The following KCNH1 variants were observed in gnomAD, a reference collection of about 807,000 sequenced individuals.
KCNH1 encodes the protein potassium voltage-gated channel subfamily H member 1.
In KCNH1, 27 loss-of-function variants were observed where a neutral mutation model predicts 69.2. The ratio of observed to expected loss-of-function variants is 0.39; its 90% CI spans 0.29 to 0.54. The LOEUF (loss-of-function observed/expected upper bound fraction) is 0.54, where lower values mean the gene tolerates loss of function less well. KCNH1 is among the 20% of genes least tolerant of loss of function. The pLI is 0.68. For missense variants in KCNH1, 798 were observed against 1,261.6 expected (o/e 0.63, Z 5.57); for synonymous variants, 456 against 487.7 (o/e 0.93, Z 0.86).
intron 7 of KCNH1, among the ~76,000 whole-genome samples, chr1:210,889,877 C>T (rs1686707579): frequency 6.6e-6 from 1 of 152,120 alleles, no homozygotes; most frequent in Non-Finnish European, 1.5e-5. Context: ...CAAATCACTG[C>T]TCAAGGAAAT....
In KCNH1 at chr1:210,684,156, G is replaced by A; in HGVS notation, c.2113-18C>T. ...AACACAATCTGGAGAGAGAGAGAGA[G>A]AGAATGACATGGCGTGTTAGCCACA... is the stretch of plus-strand genomic sequence containing the variant. On this transcript the variant is annotated intron_variant, in intron 10 of 10. Transcript: ENST00000271751. 6.7e-7 allele frequency: 1 copy of A among 1,499,000 alleles called. No homozygotes were observed. The highest frequency in any genetic ancestry group is 8.9e-7 in the Non-Finnish European group (1 of 1,126,182). The allele number at this position is 1,499,000 out of a possible 1,614,324, so 92.9% of individuals were successfully genotyped here. A position where few individuals can be genotyped will look rare whatever the true frequency, so the allele number is the denominator to read the frequency against.
chr1:211,085,544 GGGCCTGGACCAATGCTGT>G (rs1414236794), intron 4 of KCNH1, among the ~76,000 whole-genome samples: 1 of 152,018 alleles, frequency 6.6e-6, no homozygotes, highest in Non-Finnish European at 1.5e-5. Flanking sequence ...GAGACCATGT[GGGCCTGGACCAATGCTGT>G]GGCCTGGGCC....
chr1:210,746,666 G>T (rs1333097420), intron 10 of KCNH1, among the ~76,000 whole-genome samples: 1 of 151,876 alleles, frequency 6.6e-6, no homozygotes, highest in Non-Finnish European at 1.5e-5. Flanking sequence ...TCCTGCTTCA[G>T]CCTCCTGCGT....
At chr1:210,976,799 A>G (rs1245556552) in intron 6 of KCNH1, among the ~76,000 whole-genome samples, 1 of 149,952 alleles carries the variant, frequency 6.7e-6, no homozygotes, top group Non-Finnish European at 1.5e-5. Context: ...TAAAAAGTCA[A>G]GAAACAACAG....
chr1:210,927,626 A>C (rs1048043007), intron 6 of KCNH1, among the ~76,000 whole-genome samples: 1 of 152,168 alleles, frequency 6.6e-6, no homozygotes, highest in Non-Finnish European at 1.5e-5. Flanking sequence ...CATAAATCTC[A>C]CAGGACATAT....
intron 6 of KCNH1, among the ~76,000 whole-genome samples, chr1:210,996,859 ACAGCCACCGCTGTTCTG>A (rs1215103081): frequency 2.6e-5 from 4 of 152,266 alleles, no homozygotes; most frequent in South Asian, 4.1e-4. Context: ...CCGCTGTTCT[ACAGCCACCGCTGTTCTG>A]CAGCCACCGC....
At chr1:211,115,889 C>T (rs1376754845) in intron 1 of KCNH1, among the ~76,000 whole-genome samples, 1 of 151,944 alleles carries the variant, frequency 6.6e-6, no homozygotes, top group African/African-American at 2.4e-5. Flanking sequence ...AATCCCAACA[C>T]TTTAAGAGGC....
At chr1:210,686,340 C>T (rs1258459431) in intron 10 of KCNH1, among the ~76,000 whole-genome samples, 1 of 152,200 alleles carries the variant, frequency 6.6e-6, no homozygotes, top group South Asian at 2.1e-4. Context: ...CACACCAAGA[C>T]CCAGCGCAAA....
At chr1:210,836,140 T>C (rs902093691) in intron 7 of KCNH1, among the ~76,000 whole-genome samples, 8 of 147,100 alleles carry the variant, frequency 5.4e-5, no homozygotes, top group Non-Finnish European at 1.0e-4. Flanking sequence ...AAAATTTCTA[T>C]ATTGGGCTTC....
At chr1:210,803,676 T>G (rs1684473306) in intron 8 of KCNH1, among the ~76,000 whole-genome samples, 1 of 152,222 alleles carries the variant, frequency 6.6e-6, no homozygotes, top group Non-Finnish European at 1.5e-5. Context: ...CTGATTCTTA[T>G]CATCATCCAA....
intron 7 of KCNH1, chr1:210,861,276 G>A (rs1187628754): frequency 4.3e-6 from 4 of 924,114 alleles, no homozygotes; most frequent in Non-Finnish European, 7.3e-6. Context: ...GTGAGAGCAT[G>A]AGAAACTCCT....
chr1:210,796,168 A>C (rs1383410482), intron 9 of KCNH1, among the ~76,000 whole-genome samples: 1 of 151,480 alleles, frequency 6.6e-6, no homozygotes, highest in Non-Finnish European at 1.5e-5. Flanking sequence ...AAAAAAAAAA[A>C]ATTATCATCA....
chr1:211,000,036 A>G (rs1457157492), intron 6 of KCNH1, among the ~76,000 whole-genome samples: 1 of 152,232 alleles, frequency 6.6e-6, no homozygotes, highest in African/African-American at 2.4e-5. Context: ...GCTATCTATG[A>G]CAAACCCACA....
At chr1:210,929,462 T>G (rs1687638927) in intron 6 of KCNH1, among the ~76,000 whole-genome samples, 1 of 152,138 alleles carries the variant, frequency 6.6e-6, no homozygotes. Context: ...AAAAAGCATC[T>G]GACAAAATTC....
intron 10 of KCNH1, 54 bp from the exon 11 acceptor site, chr1:210,684,192 A>G (rs766545765): frequency 5.3e-5 from 78 of 1,471,728 alleles, no homozygotes; most frequent in Admixed American, 1.2e-4. Context: ...TGCTGGCTGC[A>G]GCAGCCCAGC....
At chr1:210,685,205 T>TA (rs1285017578) in intron 10 of KCNH1, among the ~76,000 whole-genome samples, 3 of 152,158 alleles carry the variant, frequency 2.0e-5, no homozygotes, top group African/African-American at 7.2e-5. Flanking sequence ...ATGTGGCAGT[T>TA]AGACTCTGGG....
At position 211,039,272 on chromosome 1, in the gene KCNH1, C is replaced by T. The variant is rs147638524; in HGVS notation, c.559-20016G>A. 2.1e-3 allele frequency among the ~76,000 whole-genome samples: 327 copies of T among 152,330 alleles called. 2 individuals are homozygous for T. Among genetic ancestry groups the T allele is most frequent in the African/African-American group, 7.4e-3 (307 of 41,580 alleles). The stretch of plus-strand genomic sequence containing the variant: ...TCAAGAATTGAAGTTTGGGAACTTC[C>T]GCCTAGATTTCAGAAGATACATGGA... On this transcript the variant is annotated intron_variant, in intron 5 of 10. Transcript: ENST00000271751.
chr1:210,681,747 C>T lies in KCNH1; in HGVS notation c.*1534G>A, dbSNP rs1215107820. On this transcript the variant is annotated 3_prime_UTR_variant, in exon 11 of 11. Transcript: ENST00000271751. ...AGCTCCCTGGATAAGTCCATGCTGTCACCTGTACTCCTAATTCCATTCCCT... is the reference window on the plus strand; with the variant it reads ...AGCTCCCTGGATAAGTCCATGCTGTTACCTGTACTCCTAATTCCATTCCCT... The T allele has an allele frequency of 6.6e-6, 1 of 152,236 alleles. No homozygotes were observed. The highest frequency in any genetic ancestry group is 6.5e-5 in the Admixed American group (1 of 15,282). The allele number at this position is 152,236 out of a possible 1,614,324, so 9.4% of individuals were successfully genotyped here. A position where few individuals can be genotyped will look rare whatever the true frequency, so the allele number is the denominator to read the frequency against.
intron 10 of KCNH1, among the ~76,000 whole-genome samples, chr1:210,708,507 AT>A (rs1448385004): frequency 6.6e-6 from 1 of 152,086 alleles, no homozygotes; most frequent in Non-Finnish European, 1.5e-5. Context: ...CCGTAAACAG[AT>A]TTTATAGTCA....
Sources: gnomAD v4.1 joint callset for allele counts (sites outside exome capture counted in the v4.1 genomes callset) on GRCh38, gnomAD v4.1.1 for gene constraint, MANE v1.5 for transcripts, NCBI Gene and HGNC (gene_info 2026-07-23, HGNC 2026-07-21) for gene names.